HERC1: variants seen among roughly 807,000 people sequenced by gnomAD.
HERC1 encodes the protein HECT and RLD domain containing E3 ubiquitin protein ligase family member 1.
A neutral mutation model predicts 554.3 loss-of-function variants in HERC1; 160 were observed. The observed-to-expected ratio is 0.29, with a 90% CI of 0.25 to 0.33. The LOEUF is 0.33. Ranked by LOEUF, HERC1 falls within the 10% of genes least tolerant of loss-of-function variation. HERC1 has a pLI of 1.00. For missense variants in HERC1, 4,919 were observed against 5,918.5 expected (o/e 0.83, Z 5.54); for synonymous variants, 2,175 against 2,131.7 (o/e 1.02, Z -0.56).
intron 6 of HERC1, among the ~76,000 whole-genome samples, 194 bp from the exon 7 acceptor site, chr15:63,754,842 T>C (rs1204726450): frequency 6.6e-6 from 1 of 152,142 alleles, no homozygotes; most frequent in Admixed American, 6.5e-5. Flanking sequence ...GGTCATAGAG[T>C]CACTTCGGTG....
At position 63,612,526 on chromosome 15, in the gene HERC1, T is replaced by C; in HGVS notation, c.14125A>G (p.Ile4709Val). The change falls in exon 77 of 78, where the codon ATT (isoleucine) becomes GTT (valine). Residue 4709 changes from isoleucine to valine, a missense_variant. Physicochemically the swap from Ile to Val is conservative, Grantham distance 29 (BLOSUM62 3). This residue lies in a region of HERC1 where 284 missense variants were observed against 294.1 expected (regional missense o/e 0.97). Transcript: ENST00000443617. The surrounding 1 kb of genome is among the most constrained non-coding windows in gnomAD (Gnocchi z 5.0). Reference sequence around the variant, plus strand: ...AGGGACAGCAGCGGCACAGGAACAATCCAGGACATCCCTTCTCGGACTGCA... The same window carrying C: ...AGGGACAGCAGCGGCACAGGAACAACCCAGGACATCCCTTCTCGGACTGCA... ...VAAVREGMSW[I>V]VPVPLLSLLT... The C allele has an allele frequency of 6.2e-7, 1 of 1,613,864 alleles. No individual in the cohort carries two copies. The highest frequency in any genetic ancestry group is 8.5e-7 in the Non-Finnish European group (1 of 1,179,818).
chr15:63,830,294 G>A (rs2078110800), intron 1 of HERC1, among the ~76,000 whole-genome samples: 2 of 152,156 alleles, frequency 1.3e-5, no homozygotes, highest in Non-Finnish European at 2.9e-5. Flanking sequence ...GCATTGAGAA[G>A]GACACAACAT....
At chr15:63,726,202 G>A (rs543345857) in intron 17 of HERC1, among the ~76,000 whole-genome samples, 90 of 152,220 alleles carry the variant, frequency 5.9e-4, no homozygotes, top group Non-Finnish European at 1.1e-3. Context: ...GGCTGGTCTT[G>A]AACTCCTGAC....
chr15:63,687,292 C>G, intron 33 of HERC1, among the ~76,000 whole-genome samples: 1 of 152,152 alleles, frequency 6.6e-6, no homozygotes, highest in Admixed American at 6.5e-5. Flanking sequence ...GTAATCCCAG[C>G]AATTTGAGAG....
At chr15:63,613,152 T>G (rs1388980770) in intron 76 of HERC1, among the ~76,000 whole-genome samples, 3 of 152,160 alleles carry the variant, frequency 2.0e-5, no homozygotes, top group African/African-American at 7.2e-5. Flanking sequence ...GGGTTCTAAC[T>G]CCCAGCTCTG....
chr15:63,711,938 C>T (rs182925340), intron 24 of HERC1, among the ~76,000 whole-genome samples: 2 of 152,184 alleles, frequency 1.3e-5, no homozygotes, highest in Non-Finnish European at 2.9e-5. Context: ...CAATTAACTC[C>T]AAGTCCAAAG....
At position 63,661,849 on chromosome 15, in the gene HERC1, T is replaced by G. The variant is rs1595916851; in HGVS notation, c.9074A>C (p.Glu3025Ala). The G allele has an allele frequency of 2.5e-6, 4 of 1,613,896 alleles. No homozygotes were observed. The highest frequency in any genetic ancestry group is 3.4e-6 in the Non-Finnish European group (4 of 1,179,886). The change falls in exon 45 of 78, where the codon GAA (glutamate) becomes GCA (alanine). Residue 3025 changes from glutamate (E) to alanine (A), a missense_variant. This residue lies in a region of HERC1 where 1,963 missense variants were observed against 2,228.6 expected (regional missense o/e 0.88). Coordinates refer to ENST00000443617, the MANE Select transcript of HERC1 (RefSeq NM_003922.4). ...GSYVDGWFGG[E>A]CGSGNPYYLL... ...GTAGTACGGATTTCCACTCCCACAT[T>G]CACCGCCAAACCAGCCATCCACATA...
At chr15:63,720,103 C>CTTTTTCTTTTTTTTTTTTTTT (rs2073748582) in intron 19 of HERC1, among the ~76,000 whole-genome samples, 1 of 71,608 alleles carries the variant, frequency 1.4e-5, no homozygotes, top group African/African-American at 6.0e-5. Flanking sequence ...TTTTTCTTCC[C>CTTTTTCTTTTTTTTTTTTTTT]TTTTTTTTTT....
chr15:63,822,824 T>C (rs553582138), intron 1 of HERC1, among the ~76,000 whole-genome samples: 2 of 152,142 alleles, frequency 1.3e-5, no homozygotes, highest in Non-Finnish European at 2.9e-5. Context: ...AGATTAGAAA[T>C]GTATTCAGAA....
In HERC1 at chr15:63,609,156, G is replaced by A; in HGVS notation, c.14511C>T (p.Cys4837=). ...TGTAGTTGTCCATGTCGATTGAGCG[G>A]CAGTTGTTGATGGCATAGCGCAGGC... The part of the protein sequence containing the change: ...AERLRYAINN[C]RSIDMDNYML... Residue 4837 remains cysteine (C), a synonymous_variant, in exon 78 of 78, where the codon TGC becomes TGT. Transcript: ENST00000443617. 1 of 1,613,938 alleles carries A rather than the reference G, an allele frequency of 6.2e-7. No individual in the cohort carries two copies. The highest frequency in any genetic ancestry group is 2.2e-5 in the East Asian group (1 of 44,890).
intron 60 of HERC1, among the ~76,000 whole-genome samples, chr15:63,640,972 C>G (rs1040488328): frequency 6.6e-6 from 1 of 152,172 alleles, no homozygotes; most frequent in Non-Finnish European, 1.5e-5. Flanking sequence ...ACTGTCTGGA[C>G]AAGTTCAAAC....
chr15:63,653,058 A>G (rs1412395428), intron 51 of HERC1, among the ~76,000 whole-genome samples: 1 of 152,192 alleles, frequency 6.6e-6, no homozygotes, highest in Non-Finnish European at 1.5e-5. Flanking sequence ...GACCTATTAT[A>G]ATCTTTACTA....
chr15:63,788,007 C>T (rs1047110091), intron 1 of HERC1, among the ~76,000 whole-genome samples: 1 of 142,108 alleles, frequency 7.0e-6, no homozygotes, highest in Non-Finnish European at 1.5e-5. Context: ...AAAAACCTTA[C>T]AAGCCAGTTT....
At chr15:63,753,919 A>G (rs1213398276) in intron 7 of HERC1, among the ~76,000 whole-genome samples, 1 of 152,206 alleles carries the variant, frequency 6.6e-6, no homozygotes, top group African/African-American at 2.4e-5. Flanking sequence ...CATGCCTGTA[A>G]TACAAGCACT....
chr15:63,656,995 T>C (rs1294825007), intron 48 of HERC1, among the ~76,000 whole-genome samples: 2 of 152,348 alleles, frequency 1.3e-5, no homozygotes, highest in East Asian at 3.9e-4. Context: ...CTACCATGAA[T>C]GATTGGTCTT....
At chr15:63,781,114 G>A (rs181364209) in intron 1 of HERC1, among the ~76,000 whole-genome samples, 140 of 152,238 alleles carry the variant, frequency 9.2e-4, no homozygotes, top group Non-Finnish European at 1.6e-3. Context: ...ATGATGAACA[G>A]TATAATCACT....
Position 63,694,909 on chromosome 15 carries a change from A to C in HERC1, c.5122-15T>G, listed in dbSNP as rs374374721. 1 of 1,601,716 alleles carries C rather than the reference A, an allele frequency of 6.2e-7. No individual in the cohort carries two copies. Among genetic ancestry groups the C allele is most frequent in the Non-Finnish European group, 8.5e-7 (1 of 1,175,068 alleles). Reference sequence around the variant, plus strand: ...CTGATCCCATCCTGAATTACACATAAAGAATTACTTTTTCTATTAGCAACA... The same window carrying C: ...CTGATCCCATCCTGAATTACACATACAGAATTACTTTTTCTATTAGCAACA... On this transcript the variant is annotated splice_polypyrimidine_tract_variant and intron_variant, in intron 27 of 77. Transcript: ENST00000443617. The surrounding 1 kb of genome is among the most constrained non-coding windows in gnomAD (Gnocchi z 4.3).
intron 36 of HERC1, 125 bp downstream of exon 36, chr15:63,679,952 A>G (rs2071396799): frequency 1.8e-6 from 1 of 556,580 alleles, no homozygotes. Context: ...CTTCTAGAAG[A>G]ATGGATTACC....
intron 33 of HERC1, among the ~76,000 whole-genome samples, chr15:63,688,380 G>A (rs2071904437): frequency 6.6e-6 from 1 of 152,190 alleles, no homozygotes; most frequent in Admixed American, 6.5e-5. Context: ...TTGACATACT[G>A]AGTATGAGAT....
Sources: gnomAD v4.1 joint callset for allele counts (sites outside exome capture counted in the v4.1 genomes callset) on GRCh38, gnomAD v4.1.1 for gene constraint, gnomAD v4.1.1 regional missense constraint, Gnocchi (gnomAD v3.1) non-coding constraint, MANE v1.5 for transcripts, NCBI Gene and HGNC (gene_info 2026-07-23, HGNC 2026-07-21) for gene names.